The following RIF1 variants were observed in gnomAD, a reference collection of about 807,000 sequenced individuals.
RIF1 encodes the protein replication timing regulatory factor 1, also known as telomere-associated protein RIF1.
RIF1 carries 45 observed loss-of-function variants against 247.1 expected under a neutral mutation model. That is an observed-to-expected ratio of 0.18 (90% confidence interval 0.14 to 0.23). The LOEUF (loss-of-function observed/expected upper bound fraction) is 0.23. Ranked by LOEUF, RIF1 falls within the 10% of genes least tolerant of loss-of-function variation. RIF1 has a pLI of 1.00. For synonymous variants in RIF1, 1,087 were observed against 978.8 expected, an observed-to-expected ratio of 1.11 and a Z score of -2.06; for missense variants, 2,967 against 2,862.5, an observed-to-expected ratio of 1.04 and a Z score of -0.83.
downstream of RIF1, among the ~76,000 whole-genome samples, chr2:151,510,978 T>C (rs1025576002): frequency 2.0e-5 from 3 of 152,254 alleles, no homozygotes; most frequent in African/African-American, 4.8e-5. Context: ...ACCATTCAAC[T>C]GTAAATACTG....
At chr2:151,448,870 T>C (rs1453519786) in intron 20 of RIF1, among the ~76,000 whole-genome samples, 2 of 152,214 alleles carry the variant, frequency 1.3e-5, no homozygotes, top group African/African-American at 2.4e-5. Flanking sequence ...CCCTCAGTTA[T>C]CACCTTTAAA....
At position 151,420,279 on chromosome 2, in the gene RIF1, A is replaced by G; in HGVS notation, c.593A>G (p.Lys198Arg). Residue 198 changes from lysine to arginine, a missense_variant, in exon 7 of 36, where the codon AAG becomes AGG. Coordinates refer to ENST00000444746, the MANE Select transcript of RIF1 (RefSeq NM_018151.5). Reference protein sequence around the residue: ...VIPLVVHSAQKVHLRGATALE... With the variant: ...VIPLVVHSAQRVHLRGATALE... ...CCTTTAGTGGTTCATTCAGCACAAA[A>G]GGTACATTTGCGGGGAGCAACTGCT... 6.2e-7 allele frequency: 1 copy of G among 1,614,190 alleles called. No homozygotes were observed. Among genetic ancestry groups the G allele is most frequent in the Non-Finnish European group, 8.5e-7 (1 of 1,180,016 alleles).
intron 10 of RIF1, chr2:151,498,211 T>TTTAA (rs1295213245): frequency 3.2e-6 from 5 of 1,549,642 alleles, no homozygotes; most frequent in Non-Finnish European, 4.4e-6. Flanking sequence ...TAAAGATCAG[T>TTTAA]TTAATTCTGA....
At chr2:151,515,712 G>A in the RIF1 span, among the ~76,000 whole-genome samples, 3 of 152,140 alleles carry the variant, frequency 2.0e-5, no homozygotes, top group South Asian at 6.2e-4. Context: ...TAAATTTACA[G>A]GAAAGTCACA....
intron 13 of RIF1, chr2:151,506,402 A>G: frequency 4.7e-6 from 3 of 644,744 alleles, no homozygotes; most frequent in Non-Finnish European, 5.5e-6. Context: ...CGCACCTGAC[A>G]TTTCCATGTC....
rs184527949 is a variant in RIF1, at chr2:151,471,551, G to A, written c.7095+1687G>A. 5.5e-4 allele frequency among the ~76,000 whole-genome samples: 84 copies of A among 152,302 alleles called. 1 individual carries two copies. The highest frequency in any genetic ancestry group is 1.7e-3 in the African/African-American group (72 of 41,560). On this transcript the variant is annotated intron_variant, in intron 34 of 35. Coordinates refer to ENST00000444746, the MANE Select transcript of RIF1 (RefSeq NM_018151.5). ...CATCTTGAATTAATTTTTGTATAAG[G>A]TGTAAGGAAGGGATCCAGTTTCAGC...
At chr2:151,483,247 C>G (rs1334287310), downstream of RIF1, 2 of 152,000 alleles carry the variant, frequency 1.3e-5, no homozygotes, top group Admixed American at 6.6e-5. Context: ...GAGATATATA[C>G]AAAGGACTTC....
At chr2:151,431,785 G>GAATGAATA (rs1690184268) in intron 9 of RIF1, among the ~76,000 whole-genome samples, 1 of 150,622 alleles carries the variant, frequency 6.6e-6, no homozygotes, top group South Asian at 2.1e-4. Context: ...GTCTCTGAAT[G>GAATGAATA]AATGAATGAA....
At chr2:151,512,029 T>C (rs2074851033), downstream of RIF1, among the ~76,000 whole-genome samples, 4 of 66,102 alleles carry the variant, frequency 6.1e-5, no homozygotes, top group Non-Finnish European at 9.7e-5. Context: ...CTTTTTTTTT[T>C]TTTTTTTTTT....
In RIF1 at chr2:151,433,247, A is replaced by C; in HGVS notation, c.1077+19A>C. The C allele has an allele frequency of 6.3e-7, 1 of 1,579,126 alleles. No homozygotes were observed. Among genetic ancestry groups the C allele is most frequent in the South Asian group, 1.1e-5 (1 of 88,668 alleles). On this transcript the variant is annotated intron_variant, in intron 10 of 35. Transcript: ENST00000444746. Reference sequence around the variant, plus strand: ...TGAACAGGTAACATTACAAGTGTTGACTATAGCACTTTATGTTTTTGTTAA... The same window carrying C: ...TGAACAGGTAACATTACAAGTGTTGCCTATAGCACTTTATGTTTTTGTTAA...
chr2:151,428,958 ATTTGT>A (rs1354215135), intron 9 of RIF1, 36 bp downstream of exon 9: 2 of 1,337,222 alleles, frequency 1.5e-6, no homozygotes, highest in African/African-American at 1.5e-5. Flanking sequence ...TTTTCTGTGA[ATTTGT>A]TTTGCTTAAA....
At position 151,440,065 on chromosome 2, in the gene RIF1, C is replaced by G; in HGVS notation, c.1585C>G (p.Leu529Val). 1 of 1,584,686 alleles carries G rather than the reference C, an allele frequency of 6.3e-7. No individual in the cohort carries two copies. Among genetic ancestry groups the G allele is most frequent in the Non-Finnish European group, 8.6e-7 (1 of 1,163,154 alleles). Residue 529 changes from leucine to valine, a missense_variant, in exon 15 of 36, where the codon CTC becomes GTC. Coordinates refer to ENST00000444746, the MANE Select transcript of RIF1 (RefSeq NM_018151.5). ...KEKPGSEVLT[L>V]LLKSLESIVK... Reference sequence around the variant, plus strand: ...GAAACCAGGTTCTGAAGTTTTGACTCTCTTATTAAAGTCTTTGGAAAGCAT... The same window carrying G: ...GAAACCAGGTTCTGAAGTTTTGACTGTCTTATTAAAGTCTTTGGAAAGCAT...
At chr2:151,450,837 G>A (rs1694188640) in intron 20 of RIF1, among the ~76,000 whole-genome samples, 1 of 152,156 alleles carries the variant, frequency 6.6e-6, no homozygotes, top group African/African-American at 2.4e-5. Context: ...ACCCACCTCA[G>A]CCTCCCAAAG....
rs746580066 is a variant in RIF1 at position 151,468,638 on chromosome 2, A to G, written c.6826-3A>G. The G allele has an allele frequency of 6.2e-7, 1 of 1,611,004 alleles. No individual in the cohort carries two copies. Among genetic ancestry groups the G allele is most frequent in the African/African-American group, 1.3e-5 (1 of 74,988 alleles). On this transcript the variant is annotated splice_region_variant and splice_polypyrimidine_tract_variant and intron_variant, in intron 32 of 35. Transcript: ENST00000444746. ...TGTAACAGCTTCTGAAATTTATTCT[A>G]AGATTTCAGAAATGGCCAAAGAATC...
At chr2:151,431,580 G>A (rs1284676893) in intron 9 of RIF1, among the ~76,000 whole-genome samples, 2 of 152,152 alleles carry the variant, frequency 1.3e-5, no homozygotes, top group South Asian at 2.1e-4. Flanking sequence ...CTGAGTTCTC[G>A]AGTTAGAGAC....
downstream of RIF1, among the ~76,000 whole-genome samples, chr2:151,511,607 T>C (rs1009298854): frequency 5.9e-5 from 9 of 152,196 alleles, no homozygotes; most frequent in Admixed American, 3.3e-4. Flanking sequence ...TTGGAACTCA[T>C]TGATCAGAAG....
Position 151,420,358 on chromosome 2 carries a change from T to C in RIF1, c.672T>C (p.Ile224=), listed in dbSNP as rs764232308. Residue 224 remains isoleucine (I), a synonymous_variant, in exon 7 of 36, where the codon ATT becomes ATC. Coordinates refer to ENST00000444746, the MANE Select transcript of RIF1 (RefSeq NM_018151.5). ...LLQKQQEIAS[I]TEQLMTTKLI... is the part of the protein sequence containing the mutation. ...AGAAACAGCAAGAAATAGCATCTAT[T>C]ACGGAGCAGCTTATGACTACTGTGA... 1.2e-6 allele frequency: 2 copies of C among 1,614,126 alleles called. No individual in the cohort carries two copies. Among genetic ancestry groups the C allele is most frequent in the Middle Eastern group, 1.6e-4 (1 of 6,062 alleles).
intron 11 of RIF1, among the ~76,000 whole-genome samples, chr2:151,501,033 C>CGGG (rs1301378960): frequency 4.6e-5 from 7 of 152,086 alleles, no homozygotes; most frequent in Admixed American, 4.6e-4. Flanking sequence ...GGCTTCAAGT[C>CGGG]CAGTATCTTT....
chr2:151,424,431 A>G (rs1352687808), intron 8 of RIF1, among the ~76,000 whole-genome samples: 1 of 152,224 alleles, frequency 6.6e-6, no homozygotes, highest in Non-Finnish European at 1.5e-5. Context: ...TATCCATGTC[A>G]TAACATATAT....
Sources: allele counts gnomAD v4.1 joint callset (sites outside exome capture counted in the v4.1 genomes callset), GRCh38; gene constraint gnomAD v4.1.1; transcripts MANE v1.5; gene names NCBI Gene and HGNC (gene_info 2026-07-23, HGNC 2026-07-21).